The following FAM20C variants were observed in gnomAD, a reference collection of about 807,000 sequenced individuals.
FAM20C encodes FAM20C golgi associated secretory pathway kinase, also known as extracellular serine/threonine protein kinase FAM20C.
Under a neutral mutation model 51.5 loss-of-function variants are expected in FAM20C, and 40 were observed. That is an observed-to-expected ratio of 0.78 (90% CI 0.60 to 1.01). The LOEUF (loss-of-function observed/expected upper bound fraction) is 1.01, where lower values mean the gene tolerates loss of function less well. Ranked by LOEUF, FAM20C falls within the 50% of genes least tolerant of loss-of-function variation. The pLI, the probability that FAM20C is intolerant of heterozygous loss-of-function variation, is 0.00. For missense variants in FAM20C, 861 were observed against 844.7 expected (o/e 1.02, Z -0.24); for synonymous variants, 406 against 380.6 (o/e 1.07, Z -0.78).
chr7:223,656 A>G (rs1346394669), intron 3 of FAM20C, among the ~76,000 whole-genome samples: 1 of 152,162 alleles, frequency 6.6e-6, no homozygotes, highest in Non-Finnish European at 1.5e-5. Flanking sequence ...TGGTGCCTGC[A>G]GAGGGGTCAG....
intron 4 of FAM20C, among the ~76,000 whole-genome samples, chr7:247,469 G>T (rs541540158): frequency 6.6e-6 from 1 of 152,344 alleles, no homozygotes; most frequent in South Asian, 2.1e-4. Flanking sequence ...CCCTGGGCTA[G>T]TTGGAATGCA....
At chr7:213,736 A>T (rs1298893587) in intron 3 of FAM20C, among the ~76,000 whole-genome samples, 2 of 152,056 alleles carry the variant, frequency 1.3e-5, no homozygotes, top group Non-Finnish European at 2.9e-5. Context: ...TGAGGAACTG[A>T]CTGTCCGTTT....
intron 3 of FAM20C, among the ~76,000 whole-genome samples, chr7:213,863 G>A: frequency 6.6e-6 from 1 of 152,146 alleles, no homozygotes; most frequent in East Asian, 1.9e-4. Context: ...GTCCCGGTGG[G>A]GGTGGAGGGG....
intron 8 of FAM20C, among the ~76,000 whole-genome samples, chr7:257,890 C>G (rs1274178737): frequency 9.9e-6 from 1 of 101,212 alleles, no homozygotes; most frequent in South Asian, 3.0e-4. Flanking sequence ...ACCCACTGCC[C>G]AGGATGCTGG....
chr7:245,259 G>C (rs1293503808), intron 3 of FAM20C, among the ~76,000 whole-genome samples: 1 of 152,190 alleles, frequency 6.6e-6, no homozygotes, highest in African/African-American at 2.4e-5. Flanking sequence ...TGAGTGGGAG[G>C]TGTGGGCTGC....
rs139210734 is a variant in FAM20C, at chr7:214,320, G to C, written c.863+5344G>C. Among the ~76,000 whole-genome samples the C allele has an allele frequency of 8.6e-4, 130 of 151,498 alleles. 1 individual carries two copies. Among genetic ancestry groups the C allele is most frequent in the African/African-American group, 3.1e-3 (127 of 41,218 alleles). ...AGCCTGGGCAATAAGAGTGAAACTC[G>C]GTCTCAAAAAAAAAAAAATCTTTAC... On this transcript the variant is annotated intron_variant, in intron 3 of 9. Coordinates refer to ENST00000313766, the MANE Select transcript of FAM20C (RefSeq NM_020223.4).
rs777751608 is a variant in FAM20C, at chr7:256,718, C to T, written c.1318C>T (p.Arg440Cys). ...GACACCGCCCTACGACAGCAGCCAC[C>T]GCATCCTGGACGTCATGGACATGAC... ...KQTPPYDSSH[R>C]ILDVMDMTIF... The change falls in exon 7 of 10, where the codon CGC (arginine) becomes TGC (cysteine). Residue 440 changes from arginine (R) to cysteine (C), a missense_variant. By Grantham distance (180) the Arg-to-Cys change is radical. This residue lies in a region of FAM20C where 269 missense variants were observed against 283.8 expected (regional missense o/e 0.95). Coordinates refer to ENST00000313766, the MANE Select transcript of FAM20C (RefSeq NM_020223.4). The T allele has an allele frequency of 5.9e-6, 9 of 1,536,092 alleles. No homozygotes were observed. Among genetic ancestry groups the T allele is most frequent in the South Asian group, 4.8e-5 (4 of 84,066 alleles).
At chr7:234,006 T>A (rs1787775872) in intron 3 of FAM20C, among the ~76,000 whole-genome samples, 1 of 152,158 alleles carries the variant, frequency 6.6e-6, no homozygotes, top group African/African-American at 2.4e-5. Flanking sequence ...TGGGAACTGG[T>A]CCTGGGCAGA....
intron 3 of FAM20C, among the ~76,000 whole-genome samples, chr7:220,720 G>A (rs1210118417): frequency 6.6e-6 from 1 of 152,198 alleles, no homozygotes; most frequent in African/African-American, 2.4e-5. Context: ...AGAGGCCGGA[G>A]GGAGGGCGGG....
intron 5 of FAM20C, among the ~76,000 whole-genome samples, chr7:254,128 C>T (rs777509567): frequency 2.9e-4 from 42 of 145,390 alleles, no homozygotes; most frequent in East Asian, 1.6e-3. Flanking sequence ...CGGGACCTGC[C>T]GGGTGCGTGG....
At chr7:210,770 G>A (rs1271231309) in intron 3 of FAM20C, among the ~76,000 whole-genome samples, 3 of 152,156 alleles carry the variant, frequency 2.0e-5, no homozygotes, top group Admixed American at 1.3e-4. Context: ...CATGGTCCGT[G>A]TGAATCCTCA....
intron 3 of FAM20C, among the ~76,000 whole-genome samples, chr7:217,713 G>T (rs1787065769): frequency 6.6e-6 from 1 of 152,146 alleles, no homozygotes; most frequent in Non-Finnish European, 1.5e-5. Flanking sequence ...TCCAGAGAGG[G>T]CAAAACAGAT....
intron 3 of FAM20C, among the ~76,000 whole-genome samples, chr7:241,925 G>A (rs901504919): frequency 5.9e-5 from 9 of 152,282 alleles, no homozygotes; most frequent in Admixed American, 5.2e-4. Flanking sequence ...ACGTGTTAAT[G>A]TGCATCTGTG....
intron 5 of FAM20C, 105 bp downstream of exon 5, chr7:248,535 G>A (rs145542456): frequency 2.6e-5 from 12 of 464,728 alleles, no homozygotes; most frequent in African/African-American, 1.3e-4. Flanking sequence ...CATTCATCTC[G>A]CCAGGTAGCC....
chr7:220,886 C>T (rs28673427), intron 3 of FAM20C, among the ~76,000 whole-genome samples: 52,195 of 151,554 alleles, frequency 0.34, 9,680 homozygotes, highest in South Asian at 0.52. Context: ...AGTGAGAGCC[C>T]GGATGGTGGG....
chr7:222,599 A>T (rs534414625), intron 3 of FAM20C, among the ~76,000 whole-genome samples: 1 of 152,214 alleles, frequency 6.6e-6, no homozygotes, highest in Non-Finnish European at 1.5e-5. Flanking sequence ...AGGTGAAGGG[A>T]CAGGCCCTGA....
chr7:234,011 G>T (rs1179392796), intron 3 of FAM20C, among the ~76,000 whole-genome samples: 1 of 152,158 alleles, frequency 6.6e-6, no homozygotes, highest in Admixed American at 6.5e-5. Context: ...ACTGGTCCTG[G>T]GCAGACCCCA....
intron 3 of FAM20C, among the ~76,000 whole-genome samples, chr7:241,243 C>T (rs1217840253): frequency 2.6e-5 from 4 of 152,130 alleles, no homozygotes; most frequent in African/African-American, 9.7e-5. Context: ...GCCTCGGGAG[C>T]GGAGCCCAGA....
intron 3 of FAM20C, among the ~76,000 whole-genome samples, chr7:243,944 A>ATTATT (rs1554254465): frequency 0.012 from 1,672 of 136,814 alleles, 16 homozygotes; most frequent in East Asian, 0.046. Flanking sequence ...TAATAATAAT[A>ATTATT]ATTATTATTA....
Sources: allele counts gnomAD v4.1 joint callset (sites outside exome capture counted in the v4.1 genomes callset), GRCh38; gene constraint gnomAD v4.1.1; regional missense constraint gnomAD v4.1.1; transcripts MANE v1.5; gene names NCBI Gene and HGNC (gene_info 2026-07-23, HGNC 2026-07-21).